The following CREBRF variants were observed in gnomAD, a reference collection of about 807,000 sequenced individuals.
The protein encoded by CREBRF is UPF0474 protein C5orf41.
Under a neutral mutation model 66.1 loss-of-function variants are expected in CREBRF, and 5 were observed. The observed-to-expected ratio is 0.08, with a 90% CI of 0.04 to 0.16. The LOEUF (loss-of-function observed/expected upper bound fraction) is 0.16. CREBRF is among the 10% of genes least tolerant of loss of function. The pLI is 1.00. For synonymous variants in CREBRF, 229 were observed against 264.4 expected (o/e 0.87, Z 1.30); for missense variants, 531 against 744.9 (o/e 0.71, Z 3.34).
At position 173,134,759 on chromosome 5, in the gene CREBRF, GAAAAA is replaced by G. The variant is rs968096018; in HGVS notation, c.*1019_*1023del. 6.6e-6 allele frequency: 1 copy of G among 150,474 alleles called. No homozygotes were observed. Among genetic ancestry groups the G allele is most frequent in the Non-Finnish European group, 1.5e-5 (1 of 67,374 alleles). The allele number at this position is 150,474 out of a possible 1,614,324, so 9.3% of individuals were successfully genotyped here. The stretch of plus-strand genomic sequence containing the variant: ...GTATGAAAAAAAAGGAGAAAAAAAA[GAAAAA>G]AAAAGGTCAGGGTTAGGGATCTTAC... On this transcript the variant is annotated 3_prime_UTR_variant, in exon 9 of 9. Transcript: ENST00000296953.
At position 173,138,203 on chromosome 5, in the gene CREBRF, G is replaced by A. The variant is rs950266692; in HGVS notation, c.*4458G>A. On this transcript the variant is annotated 3_prime_UTR_variant, in exon 9 of 9. Transcript: ENST00000296953. ...TGTAATCTTTGTAATCTTAATAAGG[G>A]CATTATGAGAAGACGACTCCATGTT... 6.6e-6 allele frequency: 1 copy of A among 152,052 alleles called. No homozygotes were observed. The highest frequency in any genetic ancestry group is 2.4e-5 in the African/African-American group (1 of 41,380). The allele number at this position is 152,052 out of a possible 1,614,324, so 9.4% of individuals were successfully genotyped here.
chr5:173,125,981 C>T (rs1759266416), intron 8 of CREBRF, among the ~76,000 whole-genome samples: 1 of 152,174 alleles, frequency 6.6e-6, no homozygotes, highest in East Asian at 1.9e-4. Context: ...AGTTCTAGAC[C>T]AGCCTGGGCA....
chr5:173,062,587 A>C (rs1757306724), intron 1 of CREBRF, among the ~76,000 whole-genome samples: 1 of 152,044 alleles, frequency 6.6e-6, no homozygotes, highest in Non-Finnish European at 1.5e-5. Flanking sequence ...AGACTTGTTG[A>C]ATATTCCTTG....
At chr5:173,064,674 C>G (rs1048466607) in intron 1 of CREBRF, among the ~76,000 whole-genome samples, 1 of 151,734 alleles carries the variant, frequency 6.6e-6, no homozygotes, top group Non-Finnish European at 1.5e-5. Flanking sequence ...AAGCGATTCT[C>G]CTGCCTCAGC....
intron 1 of CREBRF, among the ~76,000 whole-genome samples, chr5:173,064,358 T>A (rs988016748): frequency 3.3e-5 from 5 of 152,210 alleles, no homozygotes; most frequent in Admixed American, 2.0e-4. Context: ...CCTAGTGGTA[T>A]GGTATAAATG....
At chr5:173,121,761 A>G (rs1759144470) in intron 7 of CREBRF, among the ~76,000 whole-genome samples, 1 of 152,232 alleles carries the variant, frequency 6.6e-6, no homozygotes, top group South Asian at 2.1e-4. Context: ...TATAGCAGGC[A>G]CTATCAGGTC....
In CREBRF at chr5:173,137,343, TTTATAG is replaced by T. The variant is rs932096345; in HGVS notation, c.*3603_*3608del. ...TGGGTATGGTTTCAAATTCCCTCTC[TTTATAG>T]TTATTTTATATTTGTATGAAAGACC... is the stretch of plus-strand genomic sequence containing the variant. On this transcript the variant is annotated 3_prime_UTR_variant, in exon 9 of 9. Coordinates refer to ENST00000296953, the MANE Select transcript of CREBRF (RefSeq NM_153607.3). The T allele has an allele frequency of 1.3e-5, 2 of 152,102 alleles. No individual in the cohort carries two copies. Among genetic ancestry groups the T allele is most frequent in the African/African-American group, 4.8e-5 (2 of 41,444 alleles). 9.4% of individuals were successfully genotyped at this position (152,102 alleles called of 1,614,324 possible).
intron 1 of CREBRF, among the ~76,000 whole-genome samples, chr5:173,059,582 C>T (rs910713581): frequency 1.3e-5 from 2 of 152,136 alleles, no homozygotes; most frequent in African/African-American, 4.8e-5. Context: ...CTTATTTTAT[C>T]AGGTGGCATT....
At chr5:173,065,350 G>C (rs975011852) in intron 1 of CREBRF, among the ~76,000 whole-genome samples, 2 of 152,282 alleles carry the variant, frequency 1.3e-5, no homozygotes, top group African/African-American at 4.8e-5. Flanking sequence ...GGAAACTGAT[G>C]TGTAAGATTT....
chr5:173,104,555 C>G (rs190865399), intron 4 of CREBRF, among the ~76,000 whole-genome samples: 47 of 152,216 alleles, frequency 3.1e-4, no homozygotes, highest in Admixed American at 2.6e-3. Context: ...TGGTATGTGC[C>G]TGTAGCCCTA....
At position 173,135,012 on chromosome 5, in the gene CREBRF, A is replaced by G. The variant is rs2113818225; in HGVS notation, c.*1267A>G. The G allele has an allele frequency of 6.6e-6, 1 of 152,450 alleles. No homozygotes were observed. Among genetic ancestry groups the G allele is most frequent in the South Asian group, 2.1e-4 (1 of 4,822 alleles). The allele number at this position is 152,450 out of a possible 1,614,324, so 9.4% of individuals were successfully genotyped here. On this transcript the variant is annotated 3_prime_UTR_variant, in exon 9 of 9. Coordinates refer to ENST00000296953, the MANE Select transcript of CREBRF (RefSeq NM_153607.3). Reference sequence around the variant, plus strand: ...TTTGACTTTGAAAATTAAAATGTTTATTTAGCTTATTGTAGTATACTTCCA... The same window carrying G: ...TTTGACTTTGAAAATTAAAATGTTTGTTTAGCTTATTGTAGTATACTTCCA...
intron 4 of CREBRF, among the ~76,000 whole-genome samples, chr5:173,102,886 G>A (rs1481951105): frequency 6.6e-6 from 1 of 152,110 alleles, no homozygotes; most frequent in African/African-American, 2.4e-5. Flanking sequence ...TTTGGAGCTT[G>A]GGGCCATACT....
intron 1 of CREBRF, among the ~76,000 whole-genome samples, chr5:173,069,293 ATAAAG>A (rs1185193532): frequency 3.3e-5 from 5 of 152,076 alleles, no homozygotes; most frequent in African/African-American, 9.7e-5. Context: ...GCATTTATAC[ATAAAG>A]TAAGGCAGAT....
At chr5:173,115,002 T>G (rs1366041598) in intron 7 of CREBRF, among the ~76,000 whole-genome samples, 1 of 152,160 alleles carries the variant, frequency 6.6e-6, no homozygotes, top group African/African-American at 2.4e-5. Flanking sequence ...TTCCCTTTTC[T>G]CTCCCTGCCC....
chr5:173,096,903 A>T (rs1016129599), intron 4 of CREBRF, among the ~76,000 whole-genome samples: 1 of 152,154 alleles, frequency 6.6e-6, no homozygotes, highest in Non-Finnish European at 1.5e-5. Context: ...GTGGCATATC[A>T]TTGATTGATT....
At chr5:173,124,861 GTC>G (rs947822570) in intron 8 of CREBRF, among the ~76,000 whole-genome samples, 1 of 148,962 alleles carries the variant, frequency 6.7e-6, no homozygotes, top group African/African-American at 2.5e-5. Context: ...TTTAGTATTC[GTC>G]TGTCTTTCTT....
chr5:173,068,514 T>C (rs757185871), intron 1 of CREBRF, among the ~76,000 whole-genome samples: 1 of 152,186 alleles, frequency 6.6e-6, no homozygotes, highest in Non-Finnish European at 1.5e-5. Flanking sequence ...TATGTAATTG[T>C]TTGAACAATA....
At chr5:173,104,617 C>G (rs1758706116) in intron 4 of CREBRF, among the ~76,000 whole-genome samples, 1 of 151,930 alleles carries the variant, frequency 6.6e-6, no homozygotes, top group Non-Finnish European at 1.5e-5. Flanking sequence ...GAGGTCGAGG[C>G]TGCAGTGAGT....
chr5:173,074,817 C>T (rs377647710), intron 1 of CREBRF, among the ~76,000 whole-genome samples: 7 of 152,050 alleles, frequency 4.6e-5, no homozygotes, highest in Admixed American at 4.6e-4. Flanking sequence ...GAGGGGGTTT[C>T]GCCATGTTGG....
Sources: gnomAD v4.1 joint callset for allele counts (sites outside exome capture counted in the v4.1 genomes callset) on GRCh38, gnomAD v4.1.1 for gene constraint, MANE v1.5 for transcripts, NCBI Gene and HGNC (gene_info 2026-07-23, HGNC 2026-07-21) for gene names.